Variants in GREB1L observed in about 807,000 individuals in gnomAD.
The protein encoded by GREB1L is GREB1-like protein.
GREB1L carries 17 observed loss-of-function variants against 200.8 expected under a neutral mutation model. The observed-to-expected ratio is 0.08, with a 90% CI of 0.06 to 0.13. GREB1L has a LOEUF of 0.13. Ranked by LOEUF, GREB1L falls within the 10% of genes least tolerant of loss-of-function variation. GREB1L has a pLI of 1.00. For synonymous variants in GREB1L, 789 were observed against 893.0 expected (o/e 0.88, Z 2.08); for missense variants, 1,657 against 2,367.7 (o/e 0.70, Z 6.23).
intron 15 of GREB1L, chr18:21,454,856 C>G (rs2034681635): frequency 2.5e-6 from 1 of 401,410 alleles, no homozygotes; most frequent in Admixed American, 3.7e-5. Flanking sequence ...GAGAAATTTT[C>G]TCAAGGCGAG....
chr18:21,305,011 G>A (rs960166908), intron 1 of GREB1L, among the ~76,000 whole-genome samples: 6 of 149,084 alleles, frequency 4.0e-5, no homozygotes, highest in Admixed American at 1.3e-4. Context: ...ACAGAGTGTC[G>A]CTCTGTTGCC....
intron 15 of GREB1L, among the ~76,000 whole-genome samples, chr18:21,469,784 A>G (rs1427168950): frequency 6.6e-6 from 1 of 152,126 alleles, no homozygotes; most frequent in East Asian, 1.9e-4. Context: ...ATTATCTACA[A>G]TATATTCACT....
At chr18:21,392,482 G>A in intron 4 of GREB1L, among the ~76,000 whole-genome samples, 1 of 152,074 alleles carries the variant, frequency 6.6e-6, no homozygotes, top group East Asian at 1.9e-4. Flanking sequence ...AAATGCAGAT[G>A]CACTTAAAAT....
intron 1 of GREB1L, among the ~76,000 whole-genome samples, chr18:21,311,585 C>G (rs2144802531): frequency 6.6e-6 from 1 of 152,298 alleles, no homozygotes; most frequent in South Asian, 2.1e-4. Flanking sequence ...ATCTTTCCCT[C>G]CAGGTACATG....
At position 21,436,955 on chromosome 18, in the gene GREB1L, C is replaced by T. The variant is rs115965408; in HGVS notation, c.833-2566C>T. ...CAAACTCCTGGAGTCAAGTGATCAG[C>T]CAGCCTCAGTCACCCAAAGTGCTGG... is the stretch of plus-strand genomic sequence containing the variant. On this transcript the variant is annotated intron_variant, in intron 7 of 32. Coordinates refer to ENST00000424526, the MANE Select transcript of GREB1L (RefSeq NM_001142966.3). 4.3e-3 allele frequency among the ~76,000 whole-genome samples: 648 copies of T among 152,146 alleles called. 3 individuals carry two copies. The highest frequency in any genetic ancestry group is 0.015 in the African/African-American group (620 of 41,478).
At chr18:21,460,918 G>A (rs920181832) in intron 15 of GREB1L, among the ~76,000 whole-genome samples, 37 of 151,692 alleles carry the variant, frequency 2.4e-4, no homozygotes, top group African/African-American at 8.5e-4. Context: ...CCAACATAGT[G>A]AAACCCTGTC....
intron 7 of GREB1L, among the ~76,000 whole-genome samples, chr18:21,437,931 C>T (rs1035539423): frequency 6.6e-6 from 1 of 152,144 alleles, no homozygotes; most frequent in African/African-American, 2.4e-5. Flanking sequence ...TGGCTATATG[C>T]GGTGGCTCAT....
chr18:21,387,215 A>G (rs2040579404), intron 4 of GREB1L, among the ~76,000 whole-genome samples: 2 of 152,178 alleles, frequency 1.3e-5, no homozygotes, highest in South Asian at 2.1e-4. Context: ...GTTTGTGTTT[A>G]TAGCTGGTTC....
At chr18:21,249,641 G>A (rs1334588506) in intron 1 of GREB1L, among the ~76,000 whole-genome samples, 1 of 152,008 alleles carries the variant, frequency 6.6e-6, no homozygotes, top group Non-Finnish European at 1.5e-5. Context: ...GATCACCTGA[G>A]GTCAGGAGTT....
At chr18:21,440,464 T>C in intron 9 of GREB1L, 76 bp downstream of exon 9, 3 of 1,382,672 alleles carry the variant, frequency 2.2e-6, no homozygotes, top group Non-Finnish European at 3.0e-6. Flanking sequence ...ATTCTTTCCC[T>C]GAATTCTTGA....
chr18:21,377,058 T>C (rs1389740885), intron 2 of GREB1L, among the ~76,000 whole-genome samples: 2 of 152,170 alleles, frequency 1.3e-5, no homozygotes, highest in South Asian at 2.1e-4. Context: ...GTAAAAAATA[T>C]GAGCAAATCT....
At chr18:21,403,783 A>G in intron 6 of GREB1L, 89 bp from the exon 7 acceptor site, 1 of 1,127,636 alleles carries the variant, frequency 8.9e-7, no homozygotes, top group South Asian at 1.5e-5. Context: ...GCAGCGATTT[A>G]ATTTAGAGAT....
intron 15 of GREB1L, among the ~76,000 whole-genome samples, chr18:21,461,703 C>T (rs1458041646): frequency 1.3e-5 from 2 of 152,206 alleles, no homozygotes; most frequent in Non-Finnish European, 2.9e-5. Context: ...TGGCACTCAA[C>T]ACACTGTGTG....
At chr18:21,363,370 A>G (rs1032419303) in intron 1 of GREB1L, among the ~76,000 whole-genome samples, 1 of 144,176 alleles carries the variant, frequency 6.9e-6, no homozygotes, top group African/African-American at 2.5e-5. Flanking sequence ...GGGTGGGGAA[A>G]AGTGAGTTAC....
chr18:21,457,714 A>G (rs1568027640), intron 15 of GREB1L, among the ~76,000 whole-genome samples: 2 of 152,346 alleles, frequency 1.3e-5, no homozygotes, highest in Admixed American at 6.5e-5. Context: ...ATACCTTCAT[A>G]TTCTTGGAAC....
intron 15 of GREB1L, among the ~76,000 whole-genome samples, chr18:21,472,829 G>A (rs1348245068): frequency 2.6e-5 from 4 of 152,204 alleles, no homozygotes; most frequent in South Asian, 4.2e-4. Flanking sequence ...GGAGGTGAGC[G>A]GCAGTGTTAC....
At position 21,484,884 on chromosome 18, in the gene GREB1L, G is replaced by A. The variant is rs546657708; in HGVS notation, c.2557-736G>A. Among the ~76,000 whole-genome samples, 11 of 152,274 alleles carry A rather than the reference G, an allele frequency of 7.2e-5. No homozygotes were observed. In the South Asian group the frequency reaches 2.3e-3, roughly 32 times the overall value. ...GGCACAGGCAACATGACAGCAAGCAGTGACTGTAAAAAACTAATGTAGAAA... is the reference window on the plus strand; with the variant it reads ...GGCACAGGCAACATGACAGCAAGCAATGACTGTAAAAAACTAATGTAGAAA... On this transcript the variant is annotated intron_variant, in intron 17 of 32. Coordinates refer to ENST00000424526, the MANE Select transcript of GREB1L (RefSeq NM_001142966.3).
chr18:21,333,887 T>TG (rs1445074617), intron 1 of GREB1L, among the ~76,000 whole-genome samples: 1 of 151,188 alleles, frequency 6.6e-6, no homozygotes, highest in Non-Finnish European at 1.5e-5. Flanking sequence ...GAGACTAAGG[T>TG]GGGAGGATTG....
chr18:21,479,734 G>T (rs2035848369), intron 17 of GREB1L, among the ~76,000 whole-genome samples: 1 of 151,924 alleles, frequency 6.6e-6, no homozygotes, highest in Non-Finnish European at 1.5e-5. Flanking sequence ...TTTAATAATG[G>T]TATTACAGTT....
Sources: allele counts gnomAD v4.1 joint callset (sites outside exome capture counted in the v4.1 genomes callset), GRCh38; gene constraint gnomAD v4.1.1; transcripts MANE v1.5; gene names NCBI Gene and HGNC (gene_info 2026-07-23, HGNC 2026-07-21).